Variants in MEF2D observed in about 807,000 individuals in gnomAD.
The protein encoded by MEF2D is myocyte-specific enhancer factor 2D.
MEF2D carries 10 observed loss-of-function variants against 59.3 expected under a neutral mutation model. The observed-to-expected ratio is 0.17, with a 90% CI of 0.10 to 0.29. The LOEUF is 0.29. Ranked by LOEUF, MEF2D falls within the 10% of genes least tolerant of loss-of-function variation. The pLI is 1.00. For synonymous variants in MEF2D, 305 were observed against 295.0 expected (o/e 1.03, Z -0.35); for missense variants, 508 against 699.4 (o/e 0.73, Z 3.09).
intron 1 of MEF2D, among the ~76,000 whole-genome samples, chr1:156,494,960 T>C (rs1404290888): frequency 6.6e-6 from 1 of 152,174 alleles, no homozygotes; most frequent in African/African-American, 2.4e-5. Flanking sequence ...ACATTGGCCT[T>C]GTGTCTGCCT....
chr1:156,489,427 A>G (rs1180201531), intron 1 of MEF2D, among the ~76,000 whole-genome samples: 1 of 152,158 alleles, frequency 6.6e-6, no homozygotes, highest in Admixed American at 6.5e-5. Flanking sequence ...ACAGACACAC[A>G]GACACAGGAA....
chr1:156,483,423 ACAG>A lies in MEF2D; in HGVS notation c.-134_-132del. 1.1e-6 allele frequency: 1 copy of A among 873,854 alleles called. No homozygotes were observed. Among genetic ancestry groups the A allele is most frequent in the South Asian group, 1.5e-5 (1 of 67,836 alleles). 54.1% of individuals were successfully genotyped at this position (873,854 alleles called of 1,614,324 possible). A position where few individuals can be genotyped will look rare whatever the true frequency, so the allele number is the denominator to read the frequency against. On this transcript the variant is annotated 5_prime_UTR_variant, in exon 2 of 12. Coordinates refer to ENST00000348159, the MANE Select transcript of MEF2D (RefSeq NM_005920.4). ...TCATGGTCTGCAGGATACCTTCTGC[ACAG>A]CCTCCTGGAAAGGGAGGGTCATGAG...
rs76704474 is a variant in MEF2D, at chr1:156,480,228, G to T, written c.397-432C>A. 3.5e-3 allele frequency among the ~76,000 whole-genome samples: 534 copies of T among 152,198 alleles called. 2 individuals are homozygous for T. Among genetic ancestry groups the T allele is most frequent in the Non-Finnish European group, 5.9e-3 (402 of 67,988 alleles). On this transcript the variant is annotated intron_variant, in intron 4 of 11. Coordinates refer to ENST00000348159, the MANE Select transcript of MEF2D (RefSeq NM_005920.4). ...CTTGCAGTCTCCACCCATCTGGCCTGCTGCAGAGAGAGCTCACCCCCACCT... is the reference window on the plus strand; with the variant it reads ...CTTGCAGTCTCCACCCATCTGGCCTTCTGCAGAGAGAGCTCACCCCCACCT...
intron 1 of MEF2D, among the ~76,000 whole-genome samples, chr1:156,483,690 G>A (rs531670543): frequency 1.3e-5 from 2 of 152,310 alleles, no homozygotes; most frequent in Admixed American, 6.5e-5. Context: ...TGGACCTCCT[G>A]GCTTCCAAGG....
chr1:156,490,015 G>C (rs529264701), intron 1 of MEF2D, among the ~76,000 whole-genome samples: 1 of 152,296 alleles, frequency 6.6e-6, no homozygotes, highest in East Asian at 1.9e-4. Flanking sequence ...GGTGAAGCCG[G>C]TGATGCCCCC....
chr1:156,475,461 G>A (rs748028150), intron 8 of MEF2D, among the ~76,000 whole-genome samples: 10 of 152,230 alleles, frequency 6.6e-5, no homozygotes, highest in Admixed American at 1.3e-4. Flanking sequence ...ACCAACACAC[G>A]TGCAAAGATG....
At chr1:156,474,281 T>C (rs1671423174) in intron 9 of MEF2D, among the ~76,000 whole-genome samples, 1 of 152,100 alleles carries the variant, frequency 6.6e-6, no homozygotes, top group South Asian at 2.1e-4. Flanking sequence ...AAAACCTATC[T>C]CTACTAAAGA....
rs1438151943 is a variant in MEF2D at position 156,468,322 on chromosome 1, G to A, written c.1248-23C>T. ...GGGCTGGAGGCAGGCAATGGAAATG[G>A]GGTACAAGGGATAAAAACAGAGGGG... On this transcript the variant is annotated intron_variant, in intron 10 of 11. Coordinates refer to ENST00000348159, the MANE Select transcript of MEF2D (RefSeq NM_005920.4). The surrounding 1 kb of genome is among the most constrained non-coding windows in gnomAD (Gnocchi z 4.3). 1 of 1,516,646 alleles carries A rather than the reference G, an allele frequency of 6.6e-7. No homozygotes were observed. The highest frequency in any genetic ancestry group is 8.9e-7 in the Non-Finnish European group (1 of 1,129,936). The allele number at this position is 1,516,646 out of a possible 1,614,324, so 93.9% of individuals were successfully genotyped here. A position where few individuals can be genotyped will look rare whatever the true frequency, so the allele number is the denominator to read the frequency against.
chr1:156,473,500 G>T (rs1234187306), intron 9 of MEF2D, among the ~76,000 whole-genome samples: 1 of 152,246 alleles, frequency 6.6e-6, no homozygotes, highest in African/African-American at 2.4e-5. Context: ...GAGGAAGGCA[G>T]AGGTCTCTAG....
intron 3 of MEF2D, among the ~76,000 whole-genome samples, chr1:156,482,118 G>GA (rs1271280909): frequency 1.3e-5 from 2 of 152,244 alleles, no homozygotes; most frequent in Non-Finnish European, 2.9e-5. Flanking sequence ...GAGACAAAGA[G>GA]AAAGACAGGA....
chr1:156,490,577 G>A (rs1228467072), intron 1 of MEF2D: 1 of 152,408 alleles, frequency 6.6e-6, no homozygotes. Flanking sequence ...GCTGGGCCTA[G>A]GGCAGGGGTG....
rs2101961810 is a variant in MEF2D, at chr1:156,466,880, C to G, written c.*765G>C. On this transcript the variant is annotated 3_prime_UTR_variant, in exon 12 of 12. Transcript: ENST00000348159. Reference sequence around the variant, plus strand: ...TCCTCAGCCCTCTCCTCATGGCTCTCTTGTCTTTCCCTCCAAATGTGCTTC... The same window carrying G: ...TCCTCAGCCCTCTCCTCATGGCTCTGTTGTCTTTCCCTCCAAATGTGCTTC... The G allele has an allele frequency of 6.5e-6, 1 of 152,874 alleles. No homozygotes were observed. Among genetic ancestry groups the G allele is most frequent in the Non-Finnish European group, 1.5e-5 (1 of 68,152 alleles). The allele number at this position is 152,874 out of a possible 1,614,324, so 9.5% of individuals were successfully genotyped here.
chr1:156,474,808 C>T (rs547894159), intron 9 of MEF2D, among the ~76,000 whole-genome samples: 1 of 151,224 alleles, frequency 6.6e-6, no homozygotes, highest in East Asian at 1.9e-4. Flanking sequence ...AAACCCTGTT[C>T]CAAAAAAGAA....
intron 4 of MEF2D, 189 bp downstream of exon 4, chr1:156,480,645 C>A: frequency 6.5e-7 from 1 of 1,549,644 alleles, no homozygotes; most frequent in Non-Finnish European, 8.7e-7. Flanking sequence ...CTACTCACGG[C>A]CAGTCTATAA....
rs777484614 is a variant in MEF2D at position 156,468,066 on chromosome 1, A to G, written c.1481T>C (p.Leu494Pro). Residue 494 changes from leucine to proline, a missense_variant, in exon 11 of 12, where the codon CTG becomes CCG. Leu to Pro is a moderately conservative substitution (Grantham distance 98). Coordinates refer to ENST00000348159, the MANE Select transcript of MEF2D (RefSeq NM_005920.4). The surrounding 1 kb of genome is among the most constrained non-coding windows in gnomAD (Gnocchi z 4.3). ...CTCTGGGGCTGGGCGCAGCAGGCCC[A>G]GTGTGGGCCCGAAGTCCCCCCGTCC... ...DDGRGDFGPTLGLLRPAPEPE... is the reference protein window; with the variant it reads ...DDGRGDFGPTPGLLRPAPEPE... 2.5e-6 allele frequency: 4 copies of G among 1,614,024 alleles called. No homozygotes were observed. The South Asian group carries it at 4.4e-5, about 18-fold the overall frequency.
intron 9 of MEF2D, among the ~76,000 whole-genome samples, chr1:156,472,901 A>T (rs1671323065): frequency 6.6e-6 from 1 of 151,890 alleles, no homozygotes; most frequent in South Asian, 2.1e-4. Flanking sequence ...TAGTAGAGAC[A>T]GGGTTTCACT....
chr1:156,479,011 T>G (rs1274004307), intron 6 of MEF2D, among the ~76,000 whole-genome samples: 4 of 152,198 alleles, frequency 2.6e-5, no homozygotes, highest in African/African-American at 9.6e-5. Context: ...CACACTCAAC[T>G]GCAAAAACTT....
chr1:156,470,408 G>C (rs1194375671), intron 9 of MEF2D, among the ~76,000 whole-genome samples: 6 of 149,144 alleles, frequency 4.0e-5, no homozygotes, highest in Non-Finnish European at 8.9e-5. Flanking sequence ...AACAGAGCGA[G>C]ACTCTGTTTC....
chr1:156,489,168 G>C (rs979716015), intron 1 of MEF2D, among the ~76,000 whole-genome samples: 10 of 152,296 alleles, frequency 6.6e-5, no homozygotes, highest in Admixed American at 5.9e-4. Context: ...CTTCCTCCCA[G>C]GCTGCTCCGG....
Sources: allele counts gnomAD v4.1 joint callset (sites outside exome capture counted in the v4.1 genomes callset), GRCh38; gene constraint gnomAD v4.1.1; non-coding constraint Gnocchi (gnomAD v3.1); transcripts MANE v1.5; gene names NCBI Gene and HGNC (gene_info 2026-07-23, HGNC 2026-07-21).